Variants in ZNF208 observed in about 807,000 individuals in gnomAD.
ZNF208 encodes zinc finger protein 208, also known as zinc finger protein 95.
A neutral mutation model predicts 12.1 loss-of-function variants in ZNF208; 10 were observed. That is an observed-to-expected ratio of 0.83 (90% CI 0.51 to 1.40). The LOEUF is 1.40. ZNF208 is among the 40% of genes most tolerant of loss of function. ZNF208 has a pLI of 0.00. For synonymous variants in ZNF208, 497 were observed against 488.4 expected (o/e 1.02, Z -0.23); for missense variants, 1,652 against 1,485.0 (o/e 1.11, Z -1.85).
chr19:21,999,928 G>A (rs1162473384), intron 1 of ZNF208, among the ~76,000 whole-genome samples: 2 of 152,084 alleles, frequency 1.3e-5, no homozygotes, highest in Admixed American at 6.5e-5. Flanking sequence ...CAACAGCCAG[G>A]TCTCTGGACA....
chr19:21,979,450 A>C (rs1023860876), intron 3 of ZNF208, among the ~76,000 whole-genome samples: 3 of 152,248 alleles, frequency 2.0e-5, no homozygotes, highest in African/African-American at 7.2e-5. Flanking sequence ...AGGAATTTTC[A>C]ACCAAGAATT....
At chr19:21,987,120 T>A (rs1171976906) in intron 3 of ZNF208, 96 bp downstream of exon 3, 7 of 1,312,946 alleles carry the variant, frequency 5.3e-6, no homozygotes, top group Admixed American at 2.7e-5. Context: ...AGAAACTACT[T>A]CTTTTGGAAC....
In ZNF208 at chr19:21,973,053, C is replaced by T. The variant is rs1278255490; in HGVS notation, c.1981G>A (p.Gly661Arg). 6.2e-7 allele frequency: 1 copy of T among 1,613,498 alleles called. No individual in the cohort carries two copies. The highest frequency in any genetic ancestry group is 8.5e-7 in the Non-Finnish European group (1 of 1,179,784). Residue 661 changes from glycine (G) to arginine (R), a missense_variant, in exon 4 of 4, where the codon GGA becomes AGA. Physicochemically the swap from Gly to Arg is moderately radical, Grantham distance 125. Transcript: ENST00000397126. Reference protein sequence around the residue: ...TLTTHKAIHAGEKPYKCKECG... With the variant: ...TLTTHKAIHAREKPYKCKECG... ...TCTTTACATTTGTAGGGCTTCTCTC[C>T]AGCATGAATTGCCTTATGTGTAGTA...
rs1471927140 is a variant in ZNF208 at position 21,971,666 on chromosome 19, C to T, written c.3368G>A (p.Ser1123Asn). Reference sequence around the variant, plus strand: ...ATGTTTAGTAAGGATTGAGAACGTACTAAAGCTTTTGCCACATTCTTCACA... The same window carrying T: ...ATGTTTAGTAAGGATTGAGAACGTATTAAAGCTTTTGCCACATTCTTCACA... ...YKCEECGKSF[S>N]TFSILTKHKV... Residue 1123 changes from serine to asparagine, a missense_variant, in exon 4 of 4, where the codon AGT becomes AAT. Ser to Asn is a conservative substitution (Grantham distance 46). Transcript: ENST00000397126. 1 of 1,612,592 alleles carries T rather than the reference C, an allele frequency of 6.2e-7. No individual in the cohort carries two copies. Among genetic ancestry groups the T allele is most frequent in the Non-Finnish European group, 8.5e-7 (1 of 1,179,744 alleles).
chr19:21,987,182 C>T, intron 3 of ZNF208, 34 bp downstream of exon 3: 1 of 1,592,840 alleles, frequency 6.3e-7, no homozygotes. Context: ...CTTTCGACCT[C>T]TCATCCATGT....
At chr19:21,977,992 G>A (rs553474826) in intron 3 of ZNF208, among the ~76,000 whole-genome samples, 1 of 152,252 alleles carries the variant, frequency 6.6e-6, no homozygotes, top group African/African-American at 2.4e-5. Flanking sequence ...GGAGCCCATC[G>A]CAGCTCAGCA....
chr19:21,980,699 C>T lies in ZNF208; in HGVS notation c.227-5892G>A, dbSNP rs139069825. 7.7e-3 allele frequency among the ~76,000 whole-genome samples: 1,176 copies of T among 152,084 alleles called. 9 individuals carry two copies. Among genetic ancestry groups the T allele is most frequent in the African/African-American group, 0.027 (1,102 of 41,468 alleles). On this transcript the variant is annotated intron_variant, in intron 3 of 3. Coordinates refer to ENST00000397126, the MANE Select transcript of ZNF208 (RefSeq NM_007153.3). Reference sequence around the variant, plus strand: ...AACAAATTCAAACCCTAGCAGAAGACAAGAAATAACTAAGAAAAGAGCAGA... The same window carrying T: ...AACAAATTCAAACCCTAGCAGAAGATAAGAAATAACTAAGAAAAGAGCAGA...
At chr19:21,952,647 CA>C (rs996462304) in intron 4 of ZNF208, among the ~76,000 whole-genome samples, 8 of 152,162 alleles carry the variant, frequency 5.3e-5, no homozygotes, top group African/African-American at 1.7e-4. Flanking sequence ...GGATATACAC[CA>C]AAACCCCATC....
At chr19:21,975,741 G>C (rs772998833) in intron 3 of ZNF208, among the ~76,000 whole-genome samples, 5 of 139,992 alleles carry the variant, frequency 3.6e-5, no homozygotes, top group Admixed American at 7.5e-5. Context: ...TCAGAAAAAT[G>C]AGGATAAGAA....
chr19:21,979,369 A>T (rs781106427), intron 3 of ZNF208, among the ~76,000 whole-genome samples: 2 of 152,236 alleles, frequency 1.3e-5, no homozygotes, highest in Non-Finnish European at 2.9e-5. Context: ...TCAGACTAAC[A>T]GTGGATTTCT....
chr19:21,961,742 T>G (rs1253298866), downstream of ZNF208, among the ~76,000 whole-genome samples: 2 of 152,098 alleles, frequency 1.3e-5, no homozygotes, highest in East Asian at 1.9e-4. Flanking sequence ...AATTCAGTGA[T>G]ATCTTCCCTA....
chr19:22,001,578 T>C (rs1187282376), intron 1 of ZNF208, among the ~76,000 whole-genome samples: 15 of 152,154 alleles, frequency 9.9e-5, no homozygotes, highest in African/African-American at 3.4e-4. Context: ...CCAATATCCT[T>C]GAAAATTGAT....
intron 4 of ZNF208, among the ~76,000 whole-genome samples, chr19:21,945,974 G>A (rs1452758961): frequency 6.6e-5 from 10 of 151,760 alleles, no homozygotes; most frequent in South Asian, 2.1e-4. Flanking sequence ...TCATGCCCTC[G>A]GATGCACAAG....
intron 4 of ZNF208, among the ~76,000 whole-genome samples, chr19:21,956,230 G>C (rs1017376498): frequency 1.3e-5 from 2 of 152,156 alleles, no homozygotes; most frequent in African/African-American, 4.8e-5. Context: ...GGCTGTATGA[G>C]GTGTCAGTCG....
At chr19:21,965,879 G>C (rs1970156130), downstream of ZNF208, 1 of 151,858 alleles carries the variant, frequency 6.6e-6, no homozygotes, top group South Asian at 2.1e-4. Flanking sequence ...GTAGTGTACA[G>C]TTAATACATA....
At chr19:21,948,073 T>G (rs1198335087) in intron 4 of ZNF208, among the ~76,000 whole-genome samples, 1 of 152,162 alleles carries the variant, frequency 6.6e-6, no homozygotes, top group Non-Finnish European at 1.5e-5. Context: ...GTATGCCCTT[T>G]TTCTCTTTCC....
At chr19:21,993,541 C>T (rs1386100422) in intron 1 of ZNF208, among the ~76,000 whole-genome samples, 1 of 151,998 alleles carries the variant, frequency 6.6e-6, no homozygotes, top group Non-Finnish European at 1.5e-5. Context: ...CATTTCCTCT[C>T]AAGCTCTAAT....
rs1970225885 is a variant in ZNF208 at position 21,969,055 on chromosome 19, G to A, written c.*2136C>T. ...AAAAATTAGCTGGGAGTGGCGGCGG[G>A]CGCCTGTAGTCCCAGCTAATTGGGA... On this transcript the variant is annotated 3_prime_UTR_variant, in exon 4 of 4. Transcript: ENST00000397126. Among the ~76,000 whole-genome samples the A allele has an allele frequency of 6.6e-6, 1 of 152,066 alleles. No individual in the cohort carries two copies. Among genetic ancestry groups the A allele is most frequent in the Non-Finnish European group, 1.5e-5 (1 of 68,002 alleles).
chr19:22,004,602 G>A lies in ZNF208; in HGVS notation c.3+6190C>T, dbSNP rs1251910572. On this transcript the variant is annotated intron_variant, in intron 1 of 3. Coordinates refer to ENST00000397126, the MANE Select transcript of ZNF208 (RefSeq NM_007153.3). ...TAAACAACAACAACAAAAAAAACAA[G>A]ATTATGTCCTTTGCAGCAACATGGA... is the stretch of plus-strand genomic sequence containing the variant. 2.0e-5 allele frequency among the ~76,000 whole-genome samples: 3 copies of A among 152,070 alleles called. No individual in the cohort carries two copies. The East Asian group carries it at 5.8e-4, about 29-fold the overall frequency.
Sources: gnomAD v4.1 joint callset for allele counts (sites outside exome capture counted in the v4.1 genomes callset) on GRCh38, gnomAD v4.1.1 for gene constraint, MANE v1.5 for transcripts, NCBI Gene and HGNC (gene_info 2026-07-23, HGNC 2026-07-21) for gene names.